Variants in CLCA2 observed in about 807,000 individuals in gnomAD.
CLCA2 encodes the protein chloride channel accessory 2, also known as calcium-activated chloride channel regulator 2.
A neutral mutation model predicts 82.9 loss-of-function variants in CLCA2; 85 were observed. That is an observed-to-expected ratio of 1.03 (90% CI 0.86 to 1.23). The LOEUF (loss-of-function observed/expected upper bound fraction) is 1.23, where lower values mean the gene tolerates loss of function less well. CLCA2 is among the 50% of genes most tolerant of loss of function. The probability of loss-of-function intolerance (pLI) is 0.00; values close to 1 mark genes in which losing one functional copy is unlikely to be tolerated. For synonymous variants in CLCA2, 421 were observed against 391.7 expected, an observed-to-expected ratio of 1.07 and a Z score of -0.88; for missense variants, 1,089 against 1,124.8, an observed-to-expected ratio of 0.97 and a Z score of 0.45.
At chr1:86,450,428 G>T in intron 11 of CLCA2, 135 bp from the exon 12 acceptor site, 1 of 615,830 alleles carries the variant, frequency 1.6e-6, no homozygotes. Flanking sequence ...ACCTGAGAAT[G>T]TAAAAAGTAG....
At chr1:86,427,304 G>A (rs544138588) in intron 2 of CLCA2, among the ~76,000 whole-genome samples, 1 of 152,096 alleles carries the variant, frequency 6.6e-6, no homozygotes, top group Non-Finnish European at 1.5e-5. Context: ...TAGGAATGAG[G>A]TTTTACCCAA....
chr1:86,452,192 T>TTTTTTTTTC (rs1662984933), intron 12 of CLCA2, among the ~76,000 whole-genome samples: 1 of 147,878 alleles, frequency 6.8e-6, no homozygotes, highest in African/African-American at 2.5e-5. Context: ...TTTTTTTTTT[T>TTTTTTTTTC]TTTTTTTTCA....
intron 10 of CLCA2, among the ~76,000 whole-genome samples, chr1:86,447,122 G>T (rs1344976749): frequency 2.0e-5 from 3 of 152,126 alleles, no homozygotes; most frequent in Non-Finnish European, 2.9e-5. Flanking sequence ...TCTCAGTTAT[G>T]AAAAGAAATG....
At chr1:86,446,216 CTTTTTTT>C (rs3086658) in intron 10 of CLCA2, among the ~76,000 whole-genome samples, 2 of 108,520 alleles carry the variant, frequency 1.8e-5, no homozygotes, top group African/African-American at 3.5e-5. Flanking sequence ...GCTGTGGGAA[CTTTTTTT>C]TTTTTTTTTT....
At chr1:86,447,977 ACTC>A (rs1477554241) in intron 11 of CLCA2, among the ~76,000 whole-genome samples, 199 bp downstream of exon 11, 2 of 151,938 alleles carry the variant, frequency 1.3e-5, no homozygotes, top group African/African-American at 4.8e-5. Context: ...TCCTTGTGAG[ACTC>A]CTCATAGTGT....
intron 2 of CLCA2, among the ~76,000 whole-genome samples, chr1:86,426,949 C>T (rs1405462192): frequency 2.0e-5 from 3 of 152,042 alleles, no homozygotes; most frequent in Admixed American, 6.6e-5. Flanking sequence ...TATGAGTGAA[C>T]GGAAAGACCA....
chr1:86,451,909 A>T (rs1017053944), intron 12 of CLCA2, among the ~76,000 whole-genome samples: 4 of 152,178 alleles, frequency 2.6e-5, no homozygotes, highest in African/African-American at 7.2e-5. Flanking sequence ...GCTACTTATC[A>T]TTATAGTAAT....
chr1:86,447,459 G>T, intron 10 of CLCA2, 49 bp from the exon 11 acceptor site: 5 of 1,573,954 alleles, frequency 3.2e-6, no homozygotes, highest in Non-Finnish European at 4.3e-6. Flanking sequence ...TTAAAATTAG[G>T]GTTGATTTTT....
intron 8 of CLCA2, among the ~76,000 whole-genome samples, chr1:86,440,746 C>CAA: frequency 6.6e-6 from 1 of 152,076 alleles, no homozygotes. Flanking sequence ...ACTAAAAATA[C>CAA]AAAAATTAGC....
At chr1:86,438,359 CA>C in intron 6 of CLCA2, among the ~76,000 whole-genome samples, 1 of 152,276 alleles carries the variant, frequency 6.6e-6, no homozygotes, top group African/African-American at 2.4e-5. Flanking sequence ...ATCCTCATGG[CA>C]ATTCTAATTT....
Position 86,439,105 on chromosome 1 carries a change from A to G in CLCA2, c.1202A>G (p.Glu401Gly), listed in dbSNP as rs772976182. 22 of 1,613,220 alleles carry G rather than the reference A, an allele frequency of 1.4e-5. No homozygotes were observed. The highest frequency in any genetic ancestry group is 1.8e-5 in the Non-Finnish European group (21 of 1,179,216). Residue 401 changes from glutamate to glycine, a missense_variant and splice_region_variant, in exon 7 of 14, where the codon GAG becomes GGG. By Grantham distance (98) the Glu-to-Gly change is moderately conservative. Coordinates refer to ENST00000370565, the MANE Select transcript of CLCA2 (RefSeq NM_006536.7). ...TGTTCAGGGCTTAAGAAAGGATTTGAGGTACAGTAGAGCATCCTAAGCCTT... is the reference window on the plus strand; with the variant it reads ...TGTTCAGGGCTTAAGAAAGGATTTGGGGTACAGTAGAGCATCCTAAGCCTT... ...SICSGLKKGF[E>G]VVEKLNGKAY...
chr1:86,425,887 A>C (rs746537076), intron 2 of CLCA2, among the ~76,000 whole-genome samples: 3 of 152,198 alleles, frequency 2.0e-5, no homozygotes, highest in Non-Finnish European at 4.4e-5. Flanking sequence ...ACCACCATGC[A>C]TATAAAAATA....
chr1:86,455,214 C>T lies in CLCA2; in HGVS notation c.2519C>T (p.Ser840Leu), dbSNP rs778537370. ...GGCATCAGGGAGATATTTACGTTCTCACCCCAAATTTCCACGAATGGACCT... is the reference window on the plus strand; with the variant it reads ...GGCATCAGGGAGATATTTACGTTCTTACCCCAAATTTCCACGAATGGACCT... ...QAGIREIFTF[S>L]PQISTNGPEH... The change falls in exon 14 of 14, where the codon TCA becomes TTA. Residue 840 changes from serine (S) to leucine (L), a missense_variant. By Grantham distance (145) the Ser-to-Leu change is moderately radical. Transcript: ENST00000370565. 6.3e-5 allele frequency: 102 copies of T among 1,613,956 alleles called. No homozygotes were observed. Among genetic ancestry groups the T allele is most frequent in the Non-Finnish European group, 8.6e-5 (102 of 1,179,970 alleles).
chr1:86,433,432 A>G (rs1427709044), intron 5 of CLCA2, among the ~76,000 whole-genome samples: 2 of 152,220 alleles, frequency 1.3e-5, no homozygotes, highest in Non-Finnish European at 2.9e-5. Flanking sequence ...AGTCAGGACT[A>G]GAAGTTATTT....
chr1:86,439,570 A>G (rs534765919), intron 7 of CLCA2, among the ~76,000 whole-genome samples: 2 of 152,346 alleles, frequency 1.3e-5, no homozygotes, highest in South Asian at 2.1e-4. Context: ...GGAATGACAG[A>G]GTTTATTTAA....
At position 86,424,182 on chromosome 1, in the gene CLCA2, T is replaced by C; in HGVS notation, c.-66T>C. The C allele has an allele frequency of 6.9e-7, 1 of 1,459,500 alleles. No homozygotes were observed. Among genetic ancestry groups the C allele is most frequent in the Non-Finnish European group, 9.3e-7 (1 of 1,077,700 alleles). 90.4% of individuals were successfully genotyped at this position (1,459,500 alleles called of 1,614,324 possible). ...TTCAGGAAGAAACCATCTGCATCCA[T>C]ATTGAAAACCTGACACAATGTATGC... On this transcript the variant is annotated 5_prime_UTR_variant, in exon 1 of 14. Coordinates refer to ENST00000370565, the MANE Select transcript of CLCA2 (RefSeq NM_006536.7).
In CLCA2 at chr1:86,452,587, A is replaced by T. The variant is rs138492357; in HGVS notation, c.2156-782A>T. ...CTTTTAATTTAGCTTTTCTAACTTG[A>T]AACCTCTTTTTCACCTCAGGGTTTG... is the stretch of plus-strand genomic sequence containing the variant. On this transcript the variant is annotated intron_variant, in intron 12 of 13. Transcript: ENST00000370565. 1.9e-4 allele frequency among the ~76,000 whole-genome samples: 29 copies of T among 152,134 alleles called. No homozygotes were observed. The East Asian group carries it at 2.7e-3, about 14-fold the overall frequency.
intron 4 of CLCA2, 119 bp from the exon 5 acceptor site, chr1:86,432,250 T>G: frequency 8.1e-7 from 1 of 1,238,092 alleles, no homozygotes; most frequent in Non-Finnish European, 1.1e-6. Context: ...GAGCAGTTTT[T>G]AAAGTTTTGT....
intron 13 of CLCA2, among the ~76,000 whole-genome samples, 197 bp from the exon 14 acceptor site, chr1:86,454,888 C>CA (rs71078660): frequency 0.27 from 38,887 of 141,760 alleles, 5,304 homozygotes; most frequent in Admixed American, 0.33. Context: ...TCTTGCTTTT[C>CA]AAAAAAAAAA....
Sources: gnomAD v4.1 joint callset for allele counts (sites outside exome capture counted in the v4.1 genomes callset) on GRCh38, gnomAD v4.1.1 for gene constraint, MANE v1.5 for transcripts, NCBI Gene and HGNC (gene_info 2026-07-23, HGNC 2026-07-21) for gene names.